The following SLC35G2 variants were observed in gnomAD, a reference collection of about 807,000 sequenced individuals.
The protein encoded by SLC35G2 is transmembrane protein 22.
Under a neutral mutation model 27.2 loss-of-function variants are expected in SLC35G2, and 20 were observed. The ratio of observed to expected loss-of-function variants is 0.74; its 90% CI spans 0.52 to 1.07. SLC35G2 has a LOEUF of 1.07. SLC35G2 is among the 50% of genes least tolerant of loss of function. SLC35G2 has a pLI of 0.00. For missense variants in SLC35G2, 416 were observed against 493.3 expected, an observed-to-expected ratio of 0.84 and a Z score of 1.48; for synonymous variants, 148 against 165.3, an observed-to-expected ratio of 0.90 and a Z score of 0.80.
chr3:136,835,117 A>G (rs1311543932), intron 1 of SLC35G2, among the ~76,000 whole-genome samples: 1 of 152,168 alleles, frequency 6.6e-6, no homozygotes, highest in Non-Finnish European at 1.5e-5. Context: ...TCCACACACC[A>G]CATTCAAAAT....
intron 1 of SLC35G2, 25 bp from the exon 2 acceptor site, chr3:136,854,415 CTTT>C (rs1182085798): frequency 7.0e-7 from 1 of 1,420,316 alleles, no homozygotes; most frequent in South Asian, 1.3e-5. Flanking sequence ...AAATGAATGT[CTTT>C]TTGTCAATTT....
At position 136,855,623 on chromosome 3, in the gene SLC35G2, T is replaced by A; in HGVS notation, c.1163T>A (p.Leu388His). ...GVIIMISVFVLAGYKLYWRNL... is the reference protein window; with the variant it reads ...GVIIMISVFVHAGYKLYWRNL... ...ATCATTATGATTAGTGTTTTTGTCC[T>A]TGCTGGCTATAAACTTTACTGGAGG... is the stretch of plus-strand genomic sequence containing the variant. Residue 388 changes from leucine (L) to histidine (H), a missense_variant, in exon 2 of 2, where the codon CTT becomes CAT. Transcript: ENST00000446465. 1 of 1,613,884 alleles carries A rather than the reference T, an allele frequency of 6.2e-7. No homozygotes were observed. The highest frequency in any genetic ancestry group is 8.5e-7 in the Non-Finnish European group (1 of 1,179,784).
intron 1 of SLC35G2, among the ~76,000 whole-genome samples, chr3:136,820,970 A>G (rs1175146060): frequency 8.1e-6 from 1 of 123,928 alleles, no homozygotes. Context: ...AACAACATAT[A>G]AATAATCATA....
At chr3:136,851,798 AG>A (rs1937646698) in intron 1 of SLC35G2, among the ~76,000 whole-genome samples, 1 of 152,204 alleles carries the variant, frequency 6.6e-6, no homozygotes, top group African/African-American at 2.4e-5. Context: ...AGTCTTTTAA[AG>A]GAAGAGCAAT....
At chr3:136,840,330 A>G (rs1246270557) in intron 1 of SLC35G2, among the ~76,000 whole-genome samples, 3 of 152,114 alleles carry the variant, frequency 2.0e-5, no homozygotes, top group African/African-American at 7.2e-5. Context: ...GCTGTCATCC[A>G]GTTCTGGCAC....
intron 1 of SLC35G2, among the ~76,000 whole-genome samples, chr3:136,821,856 G>T (rs532105495): frequency 2.0e-5 from 3 of 152,314 alleles, no homozygotes; most frequent in African/African-American, 7.2e-5. Flanking sequence ...CTTTATGCCT[G>T]TTGATTAATA....
At chr3:136,833,979 G>A (rs747255908) in intron 1 of SLC35G2, among the ~76,000 whole-genome samples, 10 of 151,306 alleles carry the variant, frequency 6.6e-5, no homozygotes, top group Middle Eastern at 6.8e-3. Context: ...TATAGTAACC[G>A]TAAACAATAG....
At chr3:136,852,838 A>G (rs951606534) in intron 1 of SLC35G2, among the ~76,000 whole-genome samples, 2 of 152,028 alleles carry the variant, frequency 1.3e-5, no homozygotes, top group Admixed American at 6.6e-5. Context: ...TGGGAGGGAA[A>G]TAGGAAATTG....
At chr3:136,843,942 A>G (rs1267180629) in intron 1 of SLC35G2, among the ~76,000 whole-genome samples, 1 of 152,062 alleles carries the variant, frequency 6.6e-6, no homozygotes, top group Non-Finnish European at 1.5e-5. Flanking sequence ...TCAAAACAAA[A>G]CAAAAAAATC....
At chr3:136,834,887 C>G (rs543257215) in intron 1 of SLC35G2, among the ~76,000 whole-genome samples, 1 of 152,296 alleles carries the variant, frequency 6.6e-6, no homozygotes, top group East Asian at 1.9e-4. Flanking sequence ...AGATAACTCT[C>G]TTATTATTCT....
At chr3:136,825,241 C>CTTT (rs71626025) in intron 1 of SLC35G2, among the ~76,000 whole-genome samples, 12 of 135,090 alleles carry the variant, frequency 8.9e-5, no homozygotes, top group Admixed American at 1.6e-4. Flanking sequence ...TCGTATATAA[C>CTTT]TTTTTTTTTT....
chr3:136,844,046 G>T (rs1226708352), intron 1 of SLC35G2, among the ~76,000 whole-genome samples: 1 of 152,186 alleles, frequency 6.6e-6, no homozygotes, highest in African/African-American at 2.4e-5. Context: ...AGGTGGACAG[G>T]CTGTGCAAGT....
chr3:136,838,320 G>A (rs1213192862), intron 1 of SLC35G2: 1 of 150,022 alleles, frequency 6.7e-6, no homozygotes, highest in Non-Finnish European at 1.5e-5. Context: ...GTGCATGCAT[G>A]TTCTCCTACA....
At chr3:136,833,069 C>CA (rs56357764) in intron 1 of SLC35G2, among the ~76,000 whole-genome samples, 1,689 of 114,702 alleles carry the variant, frequency 0.015, 40 homozygotes, top group African/African-American at 0.049. Flanking sequence ...GACTCTGTCT[C>CA]AAAAAAAAAA....
chr3:136,846,692 G>C (rs1432886139), intron 1 of SLC35G2: 3 of 152,194 alleles, frequency 2.0e-5, no homozygotes, highest in Admixed American at 6.5e-5. Context: ...CATTGGGAGA[G>C]ATATCAAAAC....
At chr3:136,842,302 AATGACAAAGAG>A (rs1309368933) in intron 1 of SLC35G2, 1 of 152,192 alleles carries the variant, frequency 6.6e-6, no homozygotes, top group African/African-American at 2.4e-5. Context: ...ATCTGCTTCA[AATGACAAAGAG>A]ATGTGAGTAA....
At chr3:136,840,494 C>G (rs1226878350) in intron 1 of SLC35G2, among the ~76,000 whole-genome samples, 3 of 151,816 alleles carry the variant, frequency 2.0e-5, no homozygotes, top group East Asian at 3.9e-4. Flanking sequence ...TCTTCCTCCT[C>G]CTCTTCCTCC....
intron 1 of SLC35G2, chr3:136,846,533 G>A (rs997838620): frequency 1.3e-5 from 2 of 152,208 alleles, no homozygotes; most frequent in African/African-American, 4.8e-5. Flanking sequence ...CTTACCCCAT[G>A]TGAATCCTTG....
chr3:136,855,090 T>C lies in SLC35G2; in HGVS notation c.630T>C (p.Ala210=), dbSNP rs1262764162. ...CTACAGTCTTCAGTGCCATTTTGGCTTTTTTACTCGTAGATGAGAAAATGG... is the reference window on the plus strand; with the variant it reads ...CTACAGTCTTCAGTGCCATTTTGGCCTTTTTACTCGTAGATGAGAAAATGG... The part of the protein sequence containing the change: ...ATTTVFSAIL[A]FLLVDEKMAY... Residue 210 remains alanine, a synonymous_variant, in exon 2 of 2, where the codon GCT becomes GCC. Coordinates refer to ENST00000446465, the MANE Select transcript of SLC35G2 (RefSeq NM_025246.3). The C allele has an allele frequency of 4.3e-6, 7 of 1,614,200 alleles. No individual in the cohort carries two copies. In the East Asian group the frequency reaches 8.9e-5, roughly 21 times the overall value.
Sources: allele counts gnomAD v4.1 joint callset (sites outside exome capture counted in the v4.1 genomes callset), GRCh38; gene constraint gnomAD v4.1.1; transcripts MANE v1.5; gene names NCBI Gene and HGNC (gene_info 2026-07-23, HGNC 2026-07-21).